The following WDR72 variants were observed in gnomAD, a reference collection of about 807,000 sequenced individuals.
WDR72 encodes the protein WD repeat-containing protein 72.
In WDR72, 120 loss-of-function variants were observed where a neutral mutation model predicts 124.2. That is an observed-to-expected ratio of 0.97 (90% CI 0.83 to 1.12). The LOEUF (loss-of-function observed/expected upper bound fraction) is 1.12, where lower values mean the gene tolerates loss of function less well. WDR72 is among the 50% of genes most tolerant of loss of function. The pLI is 0.00. For missense variants in WDR72, 1,387 were observed against 1,278.8 expected, an observed-to-expected ratio of 1.08 and a Z score of -1.29; for synonymous variants, 452 against 441.7, an observed-to-expected ratio of 1.02 and a Z score of -0.29.
intron 18 of WDR72, among the ~76,000 whole-genome samples, chr15:53,580,586 A>T (rs1326117174): frequency 6.6e-6 from 1 of 152,048 alleles, no homozygotes; most frequent in Admixed American, 6.6e-5. Context: ...CTGGGCACCA[A>T]ACAGAGGCAC....
chr15:53,546,782 C>G (rs979956777), intron 18 of WDR72, among the ~76,000 whole-genome samples: 1 of 151,966 alleles, frequency 6.6e-6, no homozygotes, highest in Non-Finnish European at 1.5e-5. Flanking sequence ...TTCACAAATA[C>G]ACAAAATCAA....
At chr15:53,564,238 T>C (rs1022251863) in intron 18 of WDR72, among the ~76,000 whole-genome samples, 3 of 151,854 alleles carry the variant, frequency 2.0e-5, no homozygotes, top group African/African-American at 7.2e-5. Flanking sequence ...AATCTGATAA[T>C]TGATTTTTTT....
chr15:53,727,162 A>C (rs1490118187), intron 2 of WDR72, among the ~76,000 whole-genome samples: 1 of 147,620 alleles, frequency 6.8e-6, no homozygotes, highest in Non-Finnish European at 1.5e-5. Flanking sequence ...AAATACAAAA[A>C]TTAGCTGGGT....
chr15:53,538,530 T>C (rs1892884884), intron 18 of WDR72, among the ~76,000 whole-genome samples: 1 of 152,170 alleles, frequency 6.6e-6, no homozygotes, highest in Non-Finnish European at 1.5e-5. Context: ...TTCTTTTTCA[T>C]TTCTAGGGTA....
In WDR72 at chr15:53,722,838, G is replaced by C. The variant is rs2017915830; in HGVS notation, c.224C>G (p.Ser75Cys). 1.9e-6 allele frequency: 3 copies of C among 1,612,846 alleles called. No homozygotes were observed. The highest frequency in any genetic ancestry group is 2.7e-5 in the African/African-American group (2 of 73,850). Residue 75 changes from serine (S) to cysteine (C), a missense_variant, in exon 3 of 20, where the codon TCT becomes TGT. Ser to Cys is a moderately radical substitution (Grantham distance 112). Coordinates refer to ENST00000360509, the MANE Select transcript of WDR72 (RefSeq NM_182758.4). ...AGCACTAACAATGTAGGGCTGTTTA[G>C]AGAAGTCCCTTGCTCTTGCCAAACA... is the stretch of plus-strand genomic sequence containing the variant. Reference protein sequence around the residue: ...VTCLARARDFSKQPYIVSAAE... With the variant: ...VTCLARARDFCKQPYIVSAAE...
intron 14 of WDR72, among the ~76,000 whole-genome samples, chr15:53,660,561 C>G (rs1451686290): frequency 2.0e-5 from 3 of 152,076 alleles, no homozygotes; most frequent in African/African-American, 7.2e-5. Flanking sequence ...AGAGACACAT[C>G]ACCATAAGGT....
At chr15:53,543,517 C>T (rs375462136) in intron 18 of WDR72, among the ~76,000 whole-genome samples, 23,755 of 150,146 alleles carry the variant, frequency 0.16, 2,164 homozygotes, top group South Asian at 0.25. Context: ...AAATTTATAG[C>T]ACTAAATGCC....
At chr15:53,589,913 G>A (rs754330570) in intron 18 of WDR72, among the ~76,000 whole-genome samples, 2 of 151,982 alleles carry the variant, frequency 1.3e-5, no homozygotes, top group Non-Finnish European at 2.9e-5. Flanking sequence ...GATACAGAGA[G>A]GGCAGAAACA....
intron 18 of WDR72, among the ~76,000 whole-genome samples, chr15:53,577,114 T>C (rs1488953488): frequency 6.6e-6 from 1 of 152,142 alleles, no homozygotes; most frequent in Admixed American, 6.6e-5. Flanking sequence ...AGGCTGTTCA[T>C]GGGTGTGCTA....
chr15:53,623,353 G>A (rs2140380683), intron 14 of WDR72, among the ~76,000 whole-genome samples: 2 of 152,102 alleles, frequency 1.3e-5, no homozygotes, highest in African/African-American at 4.8e-5. Flanking sequence ...CCATTGATAA[G>A]TGAGAACATG....
intron 13 of WDR72, among the ~76,000 whole-genome samples, chr15:53,693,221 T>A (rs997069662): frequency 1.3e-5 from 2 of 152,184 alleles, no homozygotes; most frequent in South Asian, 2.1e-4. Flanking sequence ...TTTATATGTA[T>A]GGGAATAGTA....
chr15:53,694,445 G>A (rs1595855972), intron 13 of WDR72, among the ~76,000 whole-genome samples: 1 of 152,162 alleles, frequency 6.6e-6, no homozygotes, highest in African/African-American at 2.4e-5. Context: ...GATGACCAGA[G>A]CCGTTAGAAC....
chr15:53,643,204 A>G (rs2140415000), intron 14 of WDR72, among the ~76,000 whole-genome samples: 1 of 152,302 alleles, frequency 6.6e-6, no homozygotes, highest in South Asian at 2.1e-4. Context: ...AAATAATAGA[A>G]CTGAAAACTG....
chr15:53,757,004 T>C (rs2018926575), intron 1 of WDR72, among the ~76,000 whole-genome samples: 1 of 152,168 alleles, frequency 6.6e-6, no homozygotes, highest in South Asian at 2.1e-4. Flanking sequence ...TTTGCATTTT[T>C]TAGAAAAGTT....
intron 11 of WDR72, 88 bp from the exon 12 acceptor site, chr15:53,702,442 A>C: frequency 9.1e-7 from 1 of 1,104,884 alleles, no homozygotes; most frequent in Non-Finnish European, 1.3e-6. Context: ...ATTTTAACAT[A>C]AGGAAATTAC....
intron 18 of WDR72, among the ~76,000 whole-genome samples, chr15:53,564,045 A>G (rs1894214506): frequency 6.6e-6 from 1 of 151,926 alleles, no homozygotes; most frequent in Admixed American, 6.6e-5. Flanking sequence ...CTGAAGATTA[A>G]TTTATACCCT....
At chr15:53,699,602 T>G in intron 13 of WDR72, 148 bp downstream of exon 13, 5 of 789,544 alleles carry the variant, frequency 6.3e-6, no homozygotes, top group Non-Finnish European at 1.0e-5. Context: ...TTTGCACACA[T>G]GCCTTTAACT....
intron 13 of WDR72, among the ~76,000 whole-genome samples, chr15:53,690,531 T>C (rs2016804598): frequency 6.6e-6 from 1 of 152,216 alleles, no homozygotes; most frequent in Admixed American, 6.5e-5. Flanking sequence ...AAAAGAATCA[T>C]ACAATATGTG....
intron 14 of WDR72, among the ~76,000 whole-genome samples, chr15:53,644,181 C>T (rs62005953): frequency 1.3e-5 from 2 of 151,922 alleles, no homozygotes; most frequent in African/African-American, 4.8e-5. Flanking sequence ...CAAACAAACG[C>T]AAACCAAAAA....
Sources: allele counts gnomAD v4.1 joint callset (sites outside exome capture counted in the v4.1 genomes callset), GRCh38; gene constraint gnomAD v4.1.1; transcripts MANE v1.5; gene names NCBI Gene and HGNC (gene_info 2026-07-23, HGNC 2026-07-21).